Variants in ZDHHC14 observed in about 807,000 individuals in gnomAD.
ZDHHC14 encodes palmitoyltransferase ZDHHC14.
In ZDHHC14, 16 loss-of-function variants were observed where a neutral mutation model predicts 47.7. The observed-to-expected ratio is 0.34, with a 90% CI of 0.23 to 0.51. The LOEUF (loss-of-function observed/expected upper bound fraction) is 0.51, where lower values mean the gene tolerates loss of function less well. Among genes scored for constraint, ZDHHC14 ranks in the 20% least tolerant of loss-of-function variants. The probability of loss-of-function intolerance (pLI) is 0.97; values close to 1 mark genes in which losing one functional copy is unlikely to be tolerated. For synonymous variants in ZDHHC14, 293 were observed against 278.9 expected (o/e 1.05, Z -0.50); for missense variants, 515 against 662.5 (o/e 0.78, Z 2.44).
At chr6:157,434,240 C>T (rs922546566) in intron 1 of ZDHHC14, among the ~76,000 whole-genome samples, 3 of 106,406 alleles carry the variant, frequency 2.8e-5, no homozygotes, top group African/African-American at 1.2e-4. Context: ...ATATATAATT[C>T]TTTTATATGT....
At chr6:157,509,126 C>G (rs1780400941) in intron 1 of ZDHHC14, among the ~76,000 whole-genome samples, 1 of 152,158 alleles carries the variant, frequency 6.6e-6, no homozygotes, top group Non-Finnish European at 1.5e-5. Context: ...CTCTGCCTCT[C>G]TCCTCCTGCC....
At chr6:157,485,465 G>A (rs1437224519) in intron 1 of ZDHHC14, among the ~76,000 whole-genome samples, 3 of 152,116 alleles carry the variant, frequency 2.0e-5, no homozygotes, top group Non-Finnish European at 4.4e-5. Context: ...GCCCAAACGT[G>A]ATTTCTTTAG....
intron 1 of ZDHHC14, among the ~76,000 whole-genome samples, chr6:157,467,928 C>T (rs537957345): frequency 6.6e-6 from 1 of 152,196 alleles, no homozygotes; most frequent in South Asian, 2.1e-4. Flanking sequence ...GAGTTGGTTC[C>T]ACTTTGGGGT....
chr6:157,513,403 T>C (rs940556157), intron 1 of ZDHHC14, among the ~76,000 whole-genome samples: 1 of 152,200 alleles, frequency 6.6e-6, no homozygotes, highest in Non-Finnish European at 1.5e-5. Context: ...TCGGAGCTGA[T>C]AGTAAGTCAG....
intron 1 of ZDHHC14, among the ~76,000 whole-genome samples, chr6:157,539,172 G>A (rs1008132276): frequency 2.0e-5 from 3 of 152,100 alleles, no homozygotes; most frequent in Admixed American, 6.5e-5. Flanking sequence ...CACTTTGGGA[G>A]GCTGAGGCAG....
chr6:157,381,924 G>C lies in ZDHHC14; in HGVS notation c.-98G>C. ...GTAGGGGCCGCGGCGCCGCGGCTCG[G>C]GGGGCGGCCGGGCGGCCGGCGGCGG... On this transcript the variant is annotated 5_prime_UTR_variant, in exon 1 of 9. Transcript: ENST00000359775. The C allele has an allele frequency of 1.0e-6, 1 of 965,682 alleles. No homozygotes were observed. The highest frequency in any genetic ancestry group is 1.2e-6 in the Non-Finnish European group (1 of 815,656). The allele number at this position is 965,682 out of a possible 1,614,324, so 59.8% of individuals were successfully genotyped here.
intron 2 of ZDHHC14, among the ~76,000 whole-genome samples, chr6:157,572,692 G>C (rs1783148858): frequency 7.2e-6 from 1 of 138,622 alleles, no homozygotes; most frequent in Non-Finnish European, 1.5e-5. Flanking sequence ...CCCCTTCATG[G>C]ACAGAGGACT....
At chr6:157,671,623 A>G (rs1391311147) in intron 8 of ZDHHC14, among the ~76,000 whole-genome samples, 2 of 152,226 alleles carry the variant, frequency 1.3e-5, no homozygotes, top group African/African-American at 4.8e-5. Flanking sequence ...TAGCCTGGAA[A>G]TGTGCTTACA....
chr6:157,447,498 C>T (rs150003631), intron 1 of ZDHHC14, among the ~76,000 whole-genome samples: 6,998 of 152,170 alleles, frequency 0.046, 538 homozygotes, highest in African/African-American at 0.16. Flanking sequence ...GAGGGAGGGT[C>T]GGGGACTGTA....
chr6:157,636,723 G>A (rs143385214), intron 5 of ZDHHC14, among the ~76,000 whole-genome samples: 6,437 of 152,312 alleles, frequency 0.042, 462 homozygotes, highest in African/African-American at 0.14. Context: ...TGTTCCTAGC[G>A]CAGGAGAAGT....
chr6:157,569,196 C>T (rs1032321331), intron 2 of ZDHHC14, among the ~76,000 whole-genome samples: 1 of 150,860 alleles, frequency 6.6e-6, no homozygotes, highest in African/African-American at 2.4e-5. Context: ...TGTCCAAAAA[C>T]CTTTCCCTAC....
intron 1 of ZDHHC14, among the ~76,000 whole-genome samples, chr6:157,420,477 G>T (rs893489097): frequency 3.3e-5 from 5 of 151,776 alleles, no homozygotes; most frequent in African/African-American, 1.2e-4. Flanking sequence ...AGGAGAGGAG[G>T]TATAGTCACT....
intron 1 of ZDHHC14, among the ~76,000 whole-genome samples, chr6:157,432,638 G>A (rs187166385): frequency 8.5e-5 from 13 of 152,286 alleles, no homozygotes; most frequent in Admixed American, 2.0e-4. Flanking sequence ...GACTTCCTGC[G>A]TGAGAGAATG....
intron 8 of ZDHHC14, among the ~76,000 whole-genome samples, chr6:157,655,339 G>A (rs1778036852): frequency 1.3e-5 from 2 of 152,214 alleles, no homozygotes; most frequent in Admixed American, 1.3e-4. Flanking sequence ...AAGTAGGAGA[G>A]ATTGATCATC....
At chr6:157,529,022 C>A (rs1394334030) in intron 1 of ZDHHC14, 1 of 154,316 alleles carries the variant, frequency 6.5e-6, no homozygotes, top group Non-Finnish European at 1.5e-5. Flanking sequence ...CCAATGAGTT[C>A]AAAGAGTTTC....
chr6:157,516,251 GATACTT>G (rs1197554567), intron 1 of ZDHHC14, among the ~76,000 whole-genome samples: 13 of 152,140 alleles, frequency 8.5e-5, no homozygotes, highest in Non-Finnish European at 1.5e-5. Flanking sequence ...TTCTAACGTT[GATACTT>G]GAGTTGTTTC....
At chr6:157,434,441 G>A (rs868591190) in intron 1 of ZDHHC14, among the ~76,000 whole-genome samples, 1 of 151,968 alleles carries the variant, frequency 6.6e-6, no homozygotes, top group Non-Finnish European at 1.5e-5. Flanking sequence ...GAGTGGCCCT[G>A]CGTTCTCCTT....
At position 157,502,961 on chromosome 6, in the gene ZDHHC14, A is replaced by G. The variant is rs1019936604; in HGVS notation, c.246-39624A>G. Among the ~76,000 whole-genome samples, 1 of 152,178 alleles carries G rather than the reference A, an allele frequency of 6.6e-6. No individual in the cohort carries two copies. Among genetic ancestry groups the G allele is most frequent in the African/African-American group, 2.4e-5 (1 of 41,438 alleles). On this transcript the variant is annotated intron_variant, in intron 1 of 8. Transcript: ENST00000359775. This position sits in a 1 kb window ranked among gnomAD's most constrained non-coding sequence, Gnocchi z 4.0. ...TTGCCTTGGCTTCCCAAAGTATTGGAATTACAGGCATGAGCCACCGCACCC... is the reference window on the plus strand; with the variant it reads ...TTGCCTTGGCTTCCCAAAGTATTGGGATTACAGGCATGAGCCACCGCACCC...
At chr6:157,499,284 A>G (rs1583712353) in intron 1 of ZDHHC14, among the ~76,000 whole-genome samples, 3 of 152,242 alleles carry the variant, frequency 2.0e-5, no homozygotes. Context: ...TGGAGGCTGG[A>G]AAGTCCAAGA....
Sources: allele counts gnomAD v4.1 joint callset (sites outside exome capture counted in the v4.1 genomes callset), GRCh38; gene constraint gnomAD v4.1.1; non-coding constraint Gnocchi (gnomAD v3.1); transcripts MANE v1.5; gene names NCBI Gene and HGNC (gene_info 2026-07-23, HGNC 2026-07-21).